COX19: variants seen among roughly 807,000 people sequenced by gnomAD.
The protein encoded by COX19 is cytochrome c oxidase assembly factor COX19, also known as cytochrome c oxidase assembly protein COX19.
COX19 carries 8 observed loss-of-function variants against 6.8 expected under a neutral mutation model. The observed-to-expected ratio is 1.18, with a 90% CI of 0.69 to 2.12. COX19 has a LOEUF of 2.12. Ranked by LOEUF, COX19 falls within the 30% of genes most tolerant of loss-of-function variation. The pLI is 0.00. For missense variants in COX19, 131 were observed against 104.6 expected (o/e 1.25, Z -1.10); for synonymous variants, 51 against 38.0 (o/e 1.34, Z -1.26).
At position 973,256 on chromosome 7, in the gene COX19, C is replaced by T; in HGVS notation, c.119G>A (p.Cys40Tyr). 6.3e-7 allele frequency: 1 copy of T among 1,597,588 alleles called. No individual in the cohort carries two copies. The highest frequency in any genetic ancestry group is 8.5e-7 in the Non-Finnish European group (1 of 1,173,782). Reference sequence around the variant, plus strand: ...ATTTTCAAAATTATTGTTATGAAGACACTTCATGAATTTCTCTTTAAAGCT... The same window carrying T: ...ATTTTCAAAATTATTGTTATGAAGATACTTCATGAATTTCTCTTTAAAGCT... ...CKSFKEKFMK[C>Y]LHNNNFENAL... Residue 40 changes from cysteine (C) to tyrosine (Y), a missense_variant, in exon 2 of 3, where the codon TGT (cysteine) becomes TAT (tyrosine). Transcript: ENST00000344111.
At position 966,949 on chromosome 7, in the gene COX19, A is replaced by G. The variant is rs1847563300; in HGVS notation, c.*2429T>C. 6.6e-6 allele frequency: 1 copy of G among 152,170 alleles called. No homozygotes were observed. Among genetic ancestry groups the G allele is most frequent in the Admixed American group, 6.5e-5 (1 of 15,268 alleles). 9.4% of individuals were successfully genotyped at this position (152,170 alleles called of 1,614,324 possible). On this transcript the variant is annotated 3_prime_UTR_variant, in exon 3 of 3. Transcript: ENST00000344111. ...CGCGGTGATGTGGTGCTTGGGTCCAAGAAGCTTTTATTTTACTTAAGAATG... is the reference window on the plus strand; with the variant it reads ...CGCGGTGATGTGGTGCTTGGGTCCAGGAAGCTTTTATTTTACTTAAGAATG...
rs895313000 is a variant in COX19 at position 965,046 on chromosome 7, G to A, written c.*4332C>T. On this transcript the variant is annotated 3_prime_UTR_variant, in exon 3 of 3. Transcript: ENST00000344111. ...CCAGACCCAGAAACTCAAAGGCAGC[G>A]TTGGGAAGCCACTGCACGTTTGTAA... 2.0e-5 allele frequency among the ~76,000 whole-genome samples: 3 copies of A among 152,188 alleles called. No homozygotes were observed. The highest frequency in any genetic ancestry group is 6.5e-5 in the Admixed American group (1 of 15,286).
chr7:969,238 GC>G lies in COX19; in HGVS notation c.*139del. ...GGACGCCACTCCCTACCCAGGAGACGCCCCCACAGGGCTGGAGCTTCTATTC... is the reference window on the plus strand; with the variant it reads ...GGACGCCACTCCCTACCCAGGAGACGCCCCACAGGGCTGGAGCTTCTATTC... On this transcript the variant is annotated 3_prime_UTR_variant, in exon 3 of 3. Coordinates refer to ENST00000344111, the MANE Select transcript of COX19 (RefSeq NM_001031617.3). 1 of 661,514 alleles carries G rather than the reference GC, an allele frequency of 1.5e-6. No individual in the cohort carries two copies. The highest frequency in any genetic ancestry group is 1.8e-5 in the South Asian group (1 of 54,582). 41.0% of individuals were successfully genotyped at this position (661,514 alleles called of 1,614,324 possible).
At chr7:972,041 GA>G (rs1281603145) in intron 2 of COX19, among the ~76,000 whole-genome samples, 5 of 152,170 alleles carry the variant, frequency 3.3e-5, no homozygotes, top group Non-Finnish European at 7.3e-5. Context: ...CATGAGGCAG[GA>G]GGCCTGCTCA....
At chr7:973,602 T>A (rs1345285050) in intron 1 of COX19, among the ~76,000 whole-genome samples, 1 of 151,666 alleles carries the variant, frequency 6.6e-6, no homozygotes, top group Non-Finnish European at 1.5e-5. Context: ...GCAAAGGATT[T>A]CGAGGCTGCA....
rs376293160 is a variant in COX19, at chr7:975,524, A to G, written c.-15T>C. ...GCGGTCGACATGTTGGCGACTCCGG[A>G]GTCTGCGAGCGCCTTGCGAGCGTAC... is the stretch of plus-strand genomic sequence containing the variant. On this transcript the variant is annotated 5_prime_UTR_variant, in exon 1 of 3. Transcript: ENST00000344111. 5 of 1,597,886 alleles carry G rather than the reference A, an allele frequency of 3.1e-6. No individual in the cohort carries two copies. Among genetic ancestry groups the G allele is most frequent in the South Asian group, 1.1e-5 (1 of 89,158 alleles).
chr7:968,150 C>A lies in COX19; in HGVS notation c.*1228G>T, dbSNP rs529798558. 1 of 152,294 alleles carries A rather than the reference C, an allele frequency of 6.6e-6. No homozygotes were observed. Among genetic ancestry groups the A allele is most frequent in the African/African-American group, 2.4e-5 (1 of 41,454 alleles). The allele number at this position is 152,294 out of a possible 1,614,324, so 9.4% of individuals were successfully genotyped here. On this transcript the variant is annotated 3_prime_UTR_variant, in exon 3 of 3. Coordinates refer to ENST00000344111, the MANE Select transcript of COX19 (RefSeq NM_001031617.3). ...GGACACAGGGTTGGGCGGGCCCAGC[C>A]GCAATAGGTACTCAGTTCTGTGAGG...
rs1439980877 is a variant in COX19, at chr7:965,376, G to A, written c.*4002C>T. 6.6e-6 allele frequency among the ~76,000 whole-genome samples: 1 copy of A among 152,176 alleles called. No homozygotes were observed. Among genetic ancestry groups the A allele is most frequent in the Admixed American group, 6.5e-5 (1 of 15,278 alleles). Reference sequence around the variant, plus strand: ...CCAGTCACTTCGCAGAAGGCTCCTCGGTTTGGGTCTGTGTCTGTTGTCTCC... The same window carrying A: ...CCAGTCACTTCGCAGAAGGCTCCTCAGTTTGGGTCTGTGTCTGTTGTCTCC... On this transcript the variant is annotated 3_prime_UTR_variant, in exon 3 of 3. Transcript: ENST00000344111.
rs1410160549 is a variant in COX19 at position 966,069 on chromosome 7, A to T, written c.*3309T>A. On this transcript the variant is annotated 3_prime_UTR_variant, in exon 3 of 3. Coordinates refer to ENST00000344111, the MANE Select transcript of COX19 (RefSeq NM_001031617.3). ...CCTCCCCCCACTGACATGTTTACGC[A>T]ATTACTTATGTTGTATAGACTACTG... 2 of 152,144 alleles carry T rather than the reference A, an allele frequency of 1.3e-5. No individual in the cohort carries two copies. Among genetic ancestry groups the T allele is most frequent in the Non-Finnish European group, 2.9e-5 (2 of 68,050 alleles). 9.4% of individuals were successfully genotyped at this position (152,144 alleles called of 1,614,324 possible). A position where few individuals can be genotyped will look rare whatever the true frequency, so the allele number is the denominator to read the frequency against.
intron 1 of COX19, 55 bp from the exon 2 acceptor site, chr7:973,347 A>G: frequency 1.3e-6 from 2 of 1,515,136 alleles, no homozygotes; most frequent in Non-Finnish European, 1.8e-6. Flanking sequence ...TGATGCAACC[A>G]CACAACAGCC....
In COX19 at chr7:965,497, C is replaced by G. The variant is rs1019579978; in HGVS notation, c.*3881G>C. Among the ~76,000 whole-genome samples, 6 of 152,174 alleles carry G rather than the reference C, an allele frequency of 3.9e-5. No individual in the cohort carries two copies. Among genetic ancestry groups the G allele is most frequent in the Non-Finnish European group, 5.9e-5 (4 of 68,034 alleles). Reference sequence around the variant, plus strand: ...CCAGGTCGGTGCGGCCTGTGCGGCTCGCTCCCGGCGGTGGCTGCTGGGTTA... The same window carrying G: ...CCAGGTCGGTGCGGCCTGTGCGGCTGGCTCCCGGCGGTGGCTGCTGGGTTA... On this transcript the variant is annotated 3_prime_UTR_variant, in exon 3 of 3. Transcript: ENST00000344111.
At position 969,185 on chromosome 7, in the gene COX19, T is replaced by C. The variant is rs1847601130; in HGVS notation, c.*193A>G. The C allele has an allele frequency of 1.7e-6, 1 of 594,346 alleles. No individual in the cohort carries two copies. The highest frequency in any genetic ancestry group is 2.1e-5 in the South Asian group (1 of 47,232). The allele number at this position is 594,346 out of a possible 1,614,324, so 36.8% of individuals were successfully genotyped here. ...AACGCCGTCCCACTCAGGGGTTCAA[T>C]GCAGAAACACCCTCCTAAGGGAAAA... On this transcript the variant is annotated 3_prime_UTR_variant, in exon 3 of 3. Transcript: ENST00000344111.
chr7:971,605 C>T lies in COX19; in HGVS notation c.194+1576G>A, dbSNP rs144749886. ...AACAACAAAAGCCTGGGCGTAGTGG[C>T]TCACGCCTGTAATCCCAGCACTTTG... On this transcript the variant is annotated intron_variant, in intron 2 of 2. Coordinates refer to ENST00000344111, the MANE Select transcript of COX19 (RefSeq NM_001031617.3). Among the ~76,000 whole-genome samples the T allele has an allele frequency of 3.3e-3, 506 of 152,272 alleles. 4 individuals are homozygous for T. Among genetic ancestry groups the T allele is most frequent in the African/African-American group, 0.012 (486 of 41,568 alleles).
Position 965,781 on chromosome 7 carries a change from G to A in COX19, c.*3597C>T, listed in dbSNP as rs1294467710. Among the ~76,000 whole-genome samples the A allele has an allele frequency of 1.3e-5, 2 of 152,176 alleles. No individual in the cohort carries two copies. The highest frequency in any genetic ancestry group is 1.5e-5 in the Non-Finnish European group (1 of 68,040). Reference sequence around the variant, plus strand: ...CGGCCTCCCGAATAGCTGGATTACAGACACACGCCACCAGCCCCAGCTAAT... The same window carrying A: ...CGGCCTCCCGAATAGCTGGATTACAAACACACGCCACCAGCCCCAGCTAAT... On this transcript the variant is annotated 3_prime_UTR_variant, in exon 3 of 3. Transcript: ENST00000344111.
rs150600545 is a variant in COX19 at position 970,295 on chromosome 7, C to G, written c.195-839G>C. Among the ~76,000 whole-genome samples the G allele has an allele frequency of 3.3e-5, 5 of 152,036 alleles. No homozygotes were observed. The South Asian group carries it at 1.0e-3, about 32-fold the overall frequency. ...GAGTACAGGTGCACATCACCACGCC[C>G]GGCTAATTCTTGTAGTTTTAGTAGA... On this transcript the variant is annotated intron_variant, in intron 2 of 2. Transcript: ENST00000344111.
chr7:973,587 C>CT (rs1442997664), intron 1 of COX19, among the ~76,000 whole-genome samples: 2 of 152,108 alleles, frequency 1.3e-5, no homozygotes, highest in African/African-American at 4.8e-5. Flanking sequence ...AGGAAGATCG[C>CT]TTGAGCAAAG....
chr7:965,237 A>T lies in COX19; in HGVS notation c.*4141T>A, dbSNP rs772511141. On this transcript the variant is annotated 3_prime_UTR_variant, in exon 3 of 3. Coordinates refer to ENST00000344111, the MANE Select transcript of COX19 (RefSeq NM_001031617.3). ...TCCACTATAGTTTCATACAAAGCAT[A>T]TTTTTTTTTCCTCATTTCAAAATAA... is the stretch of plus-strand genomic sequence containing the variant. Among the ~76,000 whole-genome samples, 3 of 151,918 alleles carry T rather than the reference A, an allele frequency of 2.0e-5. No individual in the cohort carries two copies. Among genetic ancestry groups the T allele is most frequent in the Admixed American group, 6.6e-5 (1 of 15,240 alleles).
At position 965,877 on chromosome 7, in the gene COX19, G is replaced by C. The variant is rs1847545585; in HGVS notation, c.*3501C>G. Among the ~76,000 whole-genome samples the C allele has an allele frequency of 1.3e-5, 2 of 152,192 alleles. No homozygotes were observed. Among genetic ancestry groups the C allele is most frequent in the Admixed American group, 6.5e-5 (1 of 15,278 alleles). On this transcript the variant is annotated 3_prime_UTR_variant, in exon 3 of 3. Transcript: ENST00000344111. ...TGGCCTTGAACTCCTGGCCTCAAGT[G>C]ATCTGCCTGCCTCGGCCTCCCAAAG...
Position 975,168 on chromosome 7 carries a change from G to C in COX19, c.82+260C>G. 1.2e-5 allele frequency: 5 copies of C among 413,076 alleles called. No individual in the cohort carries two copies. The East Asian group carries it at 1.9e-4, about 16-fold the overall frequency. 25.6% of individuals were successfully genotyped at this position (413,076 alleles called of 1,614,324 possible). ...GACAGCCCGCCGGGTGAGTCAGGGC[G>C]GAGCCGGAGACCCGGAAGCCTGACG... On this transcript the variant is annotated intron_variant, in intron 1 of 2. Coordinates refer to ENST00000344111, the MANE Select transcript of COX19 (RefSeq NM_001031617.3).
Sources: allele counts gnomAD v4.1 joint callset (sites outside exome capture counted in the v4.1 genomes callset), GRCh38; gene constraint gnomAD v4.1.1; transcripts MANE v1.5; gene names NCBI Gene and HGNC (gene_info 2026-07-23, HGNC 2026-07-21).